AKAP10: variants seen among roughly 807,000 people sequenced by gnomAD.
AKAP10 encodes A-kinase anchor protein 10, mitochondrial.
In AKAP10, 24 loss-of-function variants were observed where a neutral mutation model predicts 80.8. That is an observed-to-expected ratio of 0.30 (90% CI 0.22 to 0.42). The LOEUF (loss-of-function observed/expected upper bound fraction) is 0.42. Among genes scored for constraint, AKAP10 ranks in the 10% least tolerant of loss-of-function variants. The pLI is 1.00. For missense variants in AKAP10, 661 were observed against 794.9 expected (o/e 0.83, Z 2.03); for synonymous variants, 291 against 277.7 (o/e 1.05, Z -0.48).
At chr17:19,953,350 G>GA (rs76771727) in intron 4 of AKAP10, among the ~76,000 whole-genome samples, 33 of 139,614 alleles carry the variant, frequency 2.4e-4, no homozygotes, top group Middle Eastern at 3.7e-3. Context: ...GCAACTTGGA[G>GA]AAAAAAAAAA....
At position 19,964,900 on chromosome 17, in the gene AKAP10, A is replaced by C. The variant is rs77220162; in HGVS notation, c.137-1878T>G. The stretch of plus-strand genomic sequence containing the variant: ...ACAGAGCGAGAATCTGTCTCAGAAA[A>C]AACAACAACAACAACAAAAAAGTAA... On this transcript the variant is annotated intron_variant, in intron 2 of 14. Transcript: ENST00000225737. Among the ~76,000 whole-genome samples the C allele has an allele frequency of 2.7e-3, 413 of 152,318 alleles. 15 individuals are homozygous for C. The East Asian group carries it at 0.074, about 27-fold the overall frequency.
chr17:19,939,810 A>C lies in AKAP10; in HGVS notation c.1225T>G (p.Trp409Gly). ...KEDAVNILQF[W>G]LAADNFQSQL... ...GACTGGAAGTTATCTGCTGCCAACCAGAATTGTAAGATATTCACTGCATCC... is the reference window on the plus strand; with the variant it reads ...GACTGGAAGTTATCTGCTGCCAACCCGAATTGTAAGATATTCACTGCATCC... Residue 409 changes from tryptophan to glycine, a missense_variant, in exon 8 of 15, where the codon TGG becomes GGG. By Grantham distance (184) the Trp-to-Gly change is radical (BLOSUM62 -2). Coordinates refer to ENST00000225737, the MANE Select transcript of AKAP10 (RefSeq NM_007202.4). 2.5e-6 allele frequency: 4 copies of C among 1,614,074 alleles called. No homozygotes were observed. Among genetic ancestry groups the C allele is most frequent in the Non-Finnish European group, 3.4e-6 (4 of 1,179,998 alleles).
chr17:19,956,861 AG>A (rs2043282529), intron 4 of AKAP10, among the ~76,000 whole-genome samples: 1 of 151,798 alleles, frequency 6.6e-6, no homozygotes, highest in East Asian at 1.9e-4. Context: ...AAAATTAGCC[AG>A]GAGTGGTGGC....
intron 4 of AKAP10, among the ~76,000 whole-genome samples, chr17:19,955,332 GAACT>G (rs2043263409): frequency 6.6e-6 from 1 of 152,136 alleles, no homozygotes; most frequent in Non-Finnish European, 1.5e-5. Context: ...AAAGGTGAAG[GAACT>G]AACTGTTCTT....
chr17:19,946,237 T>TATTA (rs1491288818), intron 5 of AKAP10, among the ~76,000 whole-genome samples: 189 of 15,104 alleles, frequency 0.013, 1 homozygote, highest in Non-Finnish European at 0.015. Context: ...TATATATATA[T>TATTA]TATATATATA....
In AKAP10 at chr17:19,904,748, A is replaced by G. The variant is rs536246639; in HGVS notation, c.*1479T>C. 2 of 152,306 alleles carry G rather than the reference A, an allele frequency of 1.3e-5. No homozygotes were observed. Among genetic ancestry groups the G allele is most frequent in the East Asian group, 3.9e-4 (2 of 5,188 alleles). The allele number at this position is 152,306 out of a possible 1,614,324, so 9.4% of individuals were successfully genotyped here. ...AGAGCCATAAATGCCCTGAAAGCAGAAAGTTGACACAATTTTAAATAGAAT... is the reference window on the plus strand; with the variant it reads ...AGAGCCATAAATGCCCTGAAAGCAGGAAGTTGACACAATTTTAAATAGAAT... On this transcript the variant is annotated 3_prime_UTR_variant, in exon 15 of 15. Coordinates refer to ENST00000225737, the MANE Select transcript of AKAP10 (RefSeq NM_007202.4).
Position 19,950,166 on chromosome 17 carries a change from G to A in AKAP10, c.878-2661C>T, listed in dbSNP as rs539635446. Among the ~76,000 whole-genome samples, 884 of 152,300 alleles carry A rather than the reference G, an allele frequency of 5.8e-3. 3 individuals are homozygous for A. The highest frequency in any genetic ancestry group is 0.024 in the Middle Eastern group (7 of 294). On this transcript the variant is annotated intron_variant, in intron 4 of 14. Transcript: ENST00000225737. ...AAAAATACAAAAAAATTAGCTGGGT[G>A]TAGTGGCACATGCCTGCAGTCCCAG...
At chr17:19,940,798 C>T (rs2043043500) in intron 7 of AKAP10, 89 bp downstream of exon 7, 1 of 1,390,348 alleles carries the variant, frequency 7.2e-7, no homozygotes, top group Admixed American at 2.8e-5. Context: ...CTTGGCTCTT[C>T]TGTGTTATTT....
At chr17:19,952,778 G>A (rs2043229691) in intron 4 of AKAP10, among the ~76,000 whole-genome samples, 1 of 151,954 alleles carries the variant, frequency 6.6e-6, no homozygotes, top group Admixed American at 6.6e-5. Flanking sequence ...CAAAATACAT[G>A]AAGCAAAACC....
intron 3 of AKAP10, among the ~76,000 whole-genome samples, chr17:19,958,842 C>CTTTTTTTTTTTTTTTTTT (rs772496178): frequency 1.1e-5 from 1 of 92,936 alleles, no homozygotes. Flanking sequence ...CATGTAAATT[C>CTTTTTTTTTTTTTTTTTT]TTTTTTTTTT....
intron 2 of AKAP10, 143 bp from the exon 3 acceptor site, chr17:19,963,165 G>C: frequency 1.8e-6 from 1 of 552,506 alleles, no homozygotes; most frequent in Non-Finnish European, 2.9e-6. Flanking sequence ...ATACTTAAGA[G>C]GAAAAGTAAC....
At chr17:19,912,522 G>A (rs1170624127) in intron 12 of AKAP10, among the ~76,000 whole-genome samples, 1 of 152,086 alleles carries the variant, frequency 6.6e-6, no homozygotes, top group Non-Finnish European at 1.5e-5. Flanking sequence ...GGGTGACAGA[G>A]CAAGACTCCA....
intron 14 of AKAP10, among the ~76,000 whole-genome samples, chr17:19,907,813 G>C (rs1308561616): frequency 1.3e-5 from 2 of 151,806 alleles, no homozygotes; most frequent in Non-Finnish European, 1.5e-5. Context: ...GTTTTCTCCT[G>C]GTTATAGGTC....
At chr17:19,914,712 A>G (rs1190175372) in intron 12 of AKAP10, among the ~76,000 whole-genome samples, 5 of 152,016 alleles carry the variant, frequency 3.3e-5, no homozygotes, top group African/African-American at 1.2e-4. Flanking sequence ...ATTTTAGATC[A>G]TCGGAGTTGG....
At position 19,977,631 on chromosome 17, in the gene AKAP10, G is replaced by C. The variant is rs1338235745; in HGVS notation, c.49C>G (p.Pro17Ala). 8.1e-7 allele frequency: 1 copy of C among 1,235,404 alleles called. No individual in the cohort carries two copies. Among genetic ancestry groups the C allele is most frequent in the Non-Finnish European group, 1.0e-6 (1 of 988,030 alleles). The allele number at this position is 1,235,404 out of a possible 1,614,324, so 76.5% of individuals were successfully genotyped here. ...AAGGACATGGCGGGGCCCGGGTCGG[G>C]ACGGAGGGTGCGGGGGGACTGGCGC... Reference protein sequence around the residue: ...SPRQSPRTLRPDPGPAMSFFR... With the variant: ...SPRQSPRTLRADPGPAMSFFR... Residue 17 changes from proline (P) to alanine (A), a missense_variant, in exon 1 of 15, where the codon CCC becomes GCC. Coordinates refer to ENST00000225737, the MANE Select transcript of AKAP10 (RefSeq NM_007202.4).
intron 5 of AKAP10, chr17:19,947,145 C>A: frequency 2.3e-6 from 1 of 428,228 alleles, no homozygotes; most frequent in South Asian, 2.5e-5. Context: ...CGCCCGCCGG[C>A]CCGGCTGCTC....
chr17:19,946,236 ATT>A (rs1491330164), intron 5 of AKAP10, among the ~76,000 whole-genome samples: 2,692 of 22,536 alleles, frequency 0.12, 305 homozygotes, highest in Admixed American at 0.13. Flanking sequence ...ATATATATAT[ATT>A]ATATATATAT....
chr17:19,947,326 T>A (rs2043145591), intron 5 of AKAP10, 81 bp downstream of exon 5: 1 of 1,080,692 alleles, frequency 9.3e-7, no homozygotes, highest in Non-Finnish European at 1.4e-6. Context: ...AAGAAAAAAT[T>A]ATCTTAGTCA....
chr17:19,923,293 G>A (rs1421195919), intron 11 of AKAP10, among the ~76,000 whole-genome samples: 4 of 151,984 alleles, frequency 2.6e-5, no homozygotes, highest in Non-Finnish European at 4.4e-5. Flanking sequence ...GCCCAGGCTG[G>A]TCTCGAACTC....
Sources: allele counts gnomAD v4.1 joint callset (sites outside exome capture counted in the v4.1 genomes callset), GRCh38; gene constraint gnomAD v4.1.1; transcripts MANE v1.5; gene names NCBI Gene and HGNC (gene_info 2026-07-23, HGNC 2026-07-21).